The following UNC79 variants were observed in gnomAD, a reference collection of about 807,000 sequenced individuals.
UNC79 encodes the protein unc-79 subunit of NALCN channel complex.
In UNC79, 37 loss-of-function variants were observed where a neutral mutation model predicts 283.1. The ratio of observed to expected loss-of-function variants is 0.13; its 90% CI spans 0.10 to 0.17. The LOEUF is 0.17. Ranked by LOEUF, UNC79 falls within the 10% of genes least tolerant of loss-of-function variation. The pLI is 1.00. For synonymous variants in UNC79, 1,107 were observed against 1,200.2 expected (o/e 0.92, Z 1.61); for missense variants, 2,272 against 3,211.1 (o/e 0.71, Z 7.07).
At chr14:93,355,256 C>T (rs377260383) in intron 1 of UNC79, among the ~76,000 whole-genome samples, 1 of 151,762 alleles carries the variant, frequency 6.6e-6, no homozygotes, top group Non-Finnish European at 1.5e-5. Flanking sequence ...TGCAGTGGCA[C>T]GTTCTCAGCT....
intron 1 of UNC79, among the ~76,000 whole-genome samples, chr14:93,376,465 ATATT>A (rs2054561232): frequency 6.6e-6 from 1 of 152,242 alleles, no homozygotes; most frequent in Non-Finnish European, 1.5e-5. Context: ...GGCAAACCGT[ATATT>A]TATATGTATC....
chr14:93,458,048 C>T (rs562542457), intron 1 of UNC79, among the ~76,000 whole-genome samples: 88 of 152,270 alleles, frequency 5.8e-4, no homozygotes, highest in Admixed American at 1.7e-3. Flanking sequence ...AATATAACAA[C>T]GCACATTTGT....
At chr14:93,524,240 G>T (rs1409758104) in intron 8 of UNC79, among the ~76,000 whole-genome samples, 198 bp downstream of exon 8, 3 of 152,156 alleles carry the variant, frequency 2.0e-5, no homozygotes, top group Non-Finnish European at 2.9e-5. Flanking sequence ...TGCAGTTTTG[G>T]CTATGCGTTC....
intron 1 of UNC79, among the ~76,000 whole-genome samples, chr14:93,355,240 C>T (rs552199841): frequency 2.6e-5 from 4 of 152,130 alleles, no homozygotes; most frequent in East Asian, 3.9e-4. Context: ...TTCGCCCAGG[C>T]TGGAGTGCAG....
Position 93,450,804 on chromosome 14 carries a change from C to T in UNC79, c.23-16867C>T, listed in dbSNP as rs116427957. 4.8e-3 allele frequency among the ~76,000 whole-genome samples: 729 copies of T among 152,228 alleles called. 3 individuals carry two copies. The highest frequency in any genetic ancestry group is 0.017 in the African/African-American group (687 of 41,560). ...CTCATTGTGGTGGGCTCTTTTAATCCGCCATTATCTAAAAAGTTCTTAACT... is the reference window on the plus strand; with the variant it reads ...CTCATTGTGGTGGGCTCTTTTAATCTGCCATTATCTAAAAAGTTCTTAACT... On this transcript the variant is annotated intron_variant, in intron 1 of 48. Coordinates refer to ENST00000555664, the Ensembl canonical transcript of UNC79.
At chr14:93,611,949 G>T (rs866954232) in intron 26 of UNC79, among the ~76,000 whole-genome samples, 1 of 152,088 alleles carries the variant, frequency 6.6e-6, no homozygotes, top group Non-Finnish European at 1.5e-5. Flanking sequence ...AACCTGATAA[G>T]AAGGGGCAGA....
intron 46 of UNC79, among the ~76,000 whole-genome samples, chr14:93,692,172 C>T (rs1216453157): frequency 1.3e-5 from 2 of 152,096 alleles, no homozygotes; most frequent in African/African-American, 4.8e-5. Context: ...TATTGTACGC[C>T]GTGGTGACTA....
intron 14 of UNC79, among the ~76,000 whole-genome samples, chr14:93,552,394 C>T (rs554795500): frequency 2.6e-5 from 4 of 152,156 alleles, no homozygotes; most frequent in Non-Finnish European, 4.4e-5. Context: ...AAGAATAAGC[C>T]TTAGTTTGCA....
At chr14:93,348,177 G>GT in intron 1 of UNC79, 1 of 1,121,628 alleles carries the variant, frequency 8.9e-7, no homozygotes, top group East Asian at 2.4e-5. Flanking sequence ...AAAAAGCTGT[G>GT]TTTTTGTTAA....
intron 7 of UNC79, among the ~76,000 whole-genome samples, chr14:93,516,635 T>G (rs1211833175): frequency 6.6e-6 from 1 of 151,874 alleles, no homozygotes; most frequent in Non-Finnish European, 1.5e-5. Flanking sequence ...TTAGTAGAGA[T>G]GAGGTTTCAC....
chr14:93,641,890 T>G (rs1220744425), intron 33 of UNC79, among the ~76,000 whole-genome samples: 1 of 152,138 alleles, frequency 6.6e-6, no homozygotes, highest in Non-Finnish European at 1.5e-5. Flanking sequence ...CTCATGGCAG[T>G]GAATAAGTCT....
At chr14:93,634,742 C>T in intron 31 of UNC79, 105 bp downstream of exon 34, 1 of 1,138,238 alleles carries the variant, frequency 8.8e-7, no homozygotes, top group Non-Finnish European at 1.3e-6. Context: ...CTCTCATGTT[C>T]TTTGGTTCAG....
rs148022255 is a variant in UNC79 at position 93,706,520 on chromosome 14, G to C, written c.7591-184G>C. On this transcript the variant is annotated intron_variant, in intron 48 of 48. Transcript: ENST00000555664. Reference sequence around the variant, plus strand: ...TATTATGATGGGTTTGGGCCAGGACGACTCTAGAAAACACGGTGCGATCCC... The same window carrying C: ...TATTATGATGGGTTTGGGCCAGGACCACTCTAGAAAACACGGTGCGATCCC... 2.8e-3 allele frequency among the ~76,000 whole-genome samples: 424 copies of C among 152,236 alleles called. 3 individuals are homozygous for C. The highest frequency in any genetic ancestry group is 4.2e-3 in the Non-Finnish European group (286 of 68,014).
intron 47 of UNC79, among the ~76,000 whole-genome samples, chr14:93,700,979 G>A (rs76457143): frequency 7.9e-5 from 12 of 152,132 alleles, no homozygotes; most frequent in Admixed American, 7.2e-4. Context: ...GACTCAGGGG[G>A]ATCCCTTTTC....
At chr14:93,501,358 A>AT (rs1047567641) in intron 7 of UNC79, among the ~76,000 whole-genome samples, 2 of 151,368 alleles carry the variant, frequency 1.3e-5, no homozygotes, top group African/African-American at 2.4e-5. Flanking sequence ...AAAAAGCAAA[A>AT]TTTTTTTTTA....
intron 1 of UNC79, among the ~76,000 whole-genome samples, chr14:93,345,978 A>G (rs2053818618): frequency 6.7e-6 from 1 of 150,348 alleles, no homozygotes; most frequent in South Asian, 2.1e-4. Context: ...GGCTCACTAG[A>G]TGCTGGAAAA....
chr14:93,500,023 G>A (rs1041339758), intron 7 of UNC79, among the ~76,000 whole-genome samples: 1 of 152,078 alleles, frequency 6.6e-6, no homozygotes, highest in African/African-American at 2.4e-5. Context: ...CAGAGAGGCT[G>A]ATAGGCCTGG....
At chr14:93,583,256 G>C (rs2063945612) in intron 20 of UNC79, among the ~76,000 whole-genome samples, 1 of 151,876 alleles carries the variant, frequency 6.6e-6, no homozygotes, top group African/African-American at 2.4e-5. Flanking sequence ...GGCAGGCAGA[G>C]GTGGTGAGCC....
intron 19 of UNC79, among the ~76,000 whole-genome samples, chr14:93,581,728 G>A (rs1289031553): frequency 2.6e-5 from 4 of 151,714 alleles, no homozygotes; most frequent in Non-Finnish European, 4.4e-5. Flanking sequence ...TCCCGACCTC[G>A]TGATCCGCCC....
Sources: allele counts gnomAD v4.1 joint callset (sites outside exome capture counted in the v4.1 genomes callset), GRCh38; gene constraint gnomAD v4.1.1; transcripts MANE v1.5; gene names NCBI Gene and HGNC (gene_info 2026-07-23, HGNC 2026-07-21).